Variants in SMOC2 observed in about 807,000 individuals in gnomAD.
The protein encoded by SMOC2 is SPARC-related modular calcium-binding protein 2.
A neutral mutation model predicts 61.4 loss-of-function variants in SMOC2; 39 were observed. The observed-to-expected ratio is 0.64, with a 90% CI of 0.49 to 0.83. SMOC2 has a LOEUF of 0.83. Among genes scored for constraint, SMOC2 ranks in the 40% least tolerant of loss-of-function variants. The pLI, the probability that SMOC2 is intolerant of heterozygous loss-of-function variation, is 0.00. For synonymous variants in SMOC2, 247 were observed against 239.9 expected (o/e 1.03, Z -0.27); for missense variants, 556 against 592.9 (o/e 0.94, Z 0.65).
At chr6:168,652,595 C>T (rs1488315694) in intron 10 of SMOC2, among the ~76,000 whole-genome samples, 5 of 152,124 alleles carry the variant, frequency 3.3e-5, no homozygotes, top group Non-Finnish European at 5.9e-5. Context: ...ATCACATTTA[C>T]AGGGCTAGAA....
At chr6:168,465,459 G>C (rs1425813333) in intron 1 of SMOC2, among the ~76,000 whole-genome samples, 1 of 147,574 alleles carries the variant, frequency 6.8e-6, no homozygotes, top group Non-Finnish European at 1.5e-5. Flanking sequence ...GAAGCCATCA[G>C]ATCAGCCGGA....
At chr6:168,625,629 T>C (rs2115239662) in intron 9 of SMOC2, among the ~76,000 whole-genome samples, 1 of 152,356 alleles carries the variant, frequency 6.6e-6, no homozygotes, top group Non-Finnish European at 1.5e-5. Flanking sequence ...TTTTGTGCAC[T>C]CGCTCTCAGA....
chr6:168,543,276 C>G (rs1403763911), intron 4 of SMOC2, among the ~76,000 whole-genome samples: 1 of 152,144 alleles, frequency 6.6e-6, no homozygotes, highest in Non-Finnish European at 1.5e-5. Flanking sequence ...AAAAACGTTT[C>G]CTTTTTTACC....
At chr6:168,445,175 TTTTC>T (rs1781304366) in intron 1 of SMOC2, among the ~76,000 whole-genome samples, 1 of 152,182 alleles carries the variant, frequency 6.6e-6, no homozygotes, top group Non-Finnish European at 1.5e-5. Flanking sequence ...CTGCCATTAT[TTTTC>T]TTTCTTCGTG....
chr6:168,472,809 C>T (rs1987744771), intron 1 of SMOC2, among the ~76,000 whole-genome samples: 1 of 151,970 alleles, frequency 6.6e-6, no homozygotes, highest in Admixed American at 6.6e-5. Context: ...TTTACTAATA[C>T]TATAGGGGAA....
chr6:168,536,174 G>A (rs190340000), intron 4 of SMOC2, among the ~76,000 whole-genome samples: 32 of 152,290 alleles, frequency 2.1e-4, no homozygotes, highest in African/African-American at 7.5e-4. Context: ...GCCCTGGGTT[G>A]AGGTGAGGGG....
chr6:168,637,625 G>A (rs952655965), intron 9 of SMOC2, among the ~76,000 whole-genome samples: 7 of 152,100 alleles, frequency 4.6e-5, no homozygotes, highest in African/African-American at 9.7e-5. Flanking sequence ...TTCTGTTGCC[G>A]GCCTCCACCA....
intron 1 of SMOC2, among the ~76,000 whole-genome samples, chr6:168,485,151 G>A (rs1782301639): frequency 6.6e-6 from 1 of 152,160 alleles, no homozygotes; most frequent in African/African-American, 2.4e-5. Context: ...AAATGAAACA[G>A]CATTTCATAC....
chr6:168,458,640 C>T (rs1781648083), intron 1 of SMOC2, among the ~76,000 whole-genome samples: 1 of 152,138 alleles, frequency 6.6e-6, no homozygotes, highest in South Asian at 2.1e-4. Flanking sequence ...CTCCCAGGGT[C>T]CTGGGCCAGC....
chr6:168,506,462 CATGTT>C (rs774147722), intron 1 of SMOC2, among the ~76,000 whole-genome samples: 3 of 152,176 alleles, frequency 2.0e-5, no homozygotes, highest in Non-Finnish European at 4.4e-5. Context: ...AAATTTTAAA[CATGTT>C]AAGATTTGAA....
chr6:168,502,016 G>T (rs1238436823), intron 1 of SMOC2, among the ~76,000 whole-genome samples: 5 of 152,166 alleles, frequency 3.3e-5, no homozygotes, highest in African/African-American at 9.7e-5. Flanking sequence ...GAAGAAACCT[G>T]CTCTCTCTTC....
At chr6:168,601,281 C>T (rs1200917550) in intron 8 of SMOC2, among the ~76,000 whole-genome samples, 8 of 152,310 alleles carry the variant, frequency 5.3e-5, no homozygotes, top group Middle Eastern at 6.8e-3. Flanking sequence ...GACGCTGGAG[C>T]GTGAGTGCTG....
intron 2 of SMOC2, among the ~76,000 whole-genome samples, chr6:168,517,100 A>C (rs1459888821): frequency 6.6e-6 from 1 of 152,214 alleles, no homozygotes; most frequent in Non-Finnish European, 1.5e-5. Flanking sequence ...CCGCTCATCC[A>C]AGTTCGCTGT....
At chr6:168,621,775 T>C (rs1177007512) in intron 9 of SMOC2, among the ~76,000 whole-genome samples, 2 of 152,264 alleles carry the variant, frequency 1.3e-5, no homozygotes, top group East Asian at 3.9e-4. Flanking sequence ...ACCACCCCCA[T>C]GGTCCAGTCA....
At chr6:168,450,604 T>C (rs1022460969) in intron 1 of SMOC2, among the ~76,000 whole-genome samples, 1 of 152,196 alleles carries the variant, frequency 6.6e-6, no homozygotes, top group African/African-American at 2.4e-5. Flanking sequence ...ATATTCATGT[T>C]GAAGTGCTGG....
intron 1 of SMOC2, among the ~76,000 whole-genome samples, chr6:168,456,388 C>T (rs1287720660): frequency 6.6e-6 from 1 of 152,194 alleles, no homozygotes. Context: ...ATGGGTCTGC[C>T]CTTGAGTTAA....
intron 7 of SMOC2, among the ~76,000 whole-genome samples, chr6:168,561,714 GCA>G (rs1784420597): frequency 1.3e-4 from 1 of 7,506 alleles, no homozygotes. Flanking sequence ...GGCTCTCACT[GCA>G]TTCTTGGAGG....
At chr6:168,513,028 CCATA>C (rs1783046539) in intron 2 of SMOC2, among the ~76,000 whole-genome samples, 1 of 3,798 alleles carries the variant, frequency 2.6e-4, no homozygotes, top group Non-Finnish European at 3.7e-3. Flanking sequence ...TATAAAATGT[CCATA>C]AAAGTAAAGA....
At chr6:168,629,115 C>G (rs1269599205) in intron 9 of SMOC2, among the ~76,000 whole-genome samples, 3 of 152,254 alleles carry the variant, frequency 2.0e-5, no homozygotes, top group Non-Finnish European at 4.4e-5. Flanking sequence ...GCTTCGCAGT[C>G]ACTGGAGCAG....
Sources: allele counts gnomAD v4.1 joint callset (sites outside exome capture counted in the v4.1 genomes callset), GRCh38; gene constraint gnomAD v4.1.1; transcripts MANE v1.5; gene names NCBI Gene and HGNC (gene_info 2026-07-23, HGNC 2026-07-21).